The following NXPH1 variants were observed in gnomAD, a reference collection of about 807,000 sequenced individuals.
NXPH1 encodes neurexophilin 1.
In NXPH1, 5 loss-of-function variants were observed where a neutral mutation model predicts 23.7. The observed-to-expected ratio is 0.21, with a 90% CI of 0.11 to 0.44. NXPH1 has a LOEUF of 0.44. NXPH1 is among the 20% of genes least tolerant of loss of function. The pLI is 0.99. For synonymous variants in NXPH1, 144 were observed against 122.2 expected (o/e 1.18, Z -1.18); for missense variants, 324 against 321.6 (o/e 1.01, Z -0.06).
chr7:8,749,276 C>T (rs376500493), intron 2 of NXPH1, among the ~76,000 whole-genome samples: 1 of 152,156 alleles, frequency 6.6e-6, no homozygotes, highest in Non-Finnish European at 1.5e-5. Flanking sequence ...AAGTAGATAT[C>T]ATATTGCCTA....
At position 8,744,676 on chromosome 7, in the gene NXPH1, C is replaced by T. The variant is rs112722574; in HGVS notation, c.55-6332C>T. On this transcript the variant is annotated intron_variant, in intron 2 of 2. Coordinates refer to ENST00000405863, the MANE Select transcript of NXPH1 (RefSeq NM_152745.3). Reference sequence around the variant, plus strand: ...CATCACCAGAATGACTTCCCACAGGCGCTTAATCTCCCAATATTTCTATGA... The same window carrying T: ...CATCACCAGAATGACTTCCCACAGGTGCTTAATCTCCCAATATTTCTATGA... Among the ~76,000 whole-genome samples, 1,100 of 152,276 alleles carry T rather than the reference C, an allele frequency of 7.2e-3. 11 individuals carry two copies. The highest frequency in any genetic ancestry group is 0.024 in the African/African-American group (1,008 of 41,548).
chr7:8,725,429 G>A lies in NXPH1; in HGVS notation c.55-25579G>A, dbSNP rs186309069. On this transcript the variant is annotated intron_variant, in intron 2 of 2. Transcript: ENST00000405863. Reference sequence around the variant, plus strand: ...GGCTAGAACCTGGGAGGCAGAGGTTGCAGTGAGCTGAGATCCAGCCACTGC... The same window carrying A: ...GGCTAGAACCTGGGAGGCAGAGGTTACAGTGAGCTGAGATCCAGCCACTGC... 7.9e-4 allele frequency among the ~76,000 whole-genome samples: 119 copies of A among 151,072 alleles called. No individual in the cohort carries two copies. The East Asian group carries it at 0.021, about 27-fold the overall frequency.
At chr7:8,679,892 G>A (rs1042363886) in intron 2 of NXPH1, among the ~76,000 whole-genome samples, 2 of 152,210 alleles carry the variant, frequency 1.3e-5, no homozygotes, top group Non-Finnish European at 2.9e-5. Context: ...GTGGTGGCGC[G>A]TGCCTGTAAT....
intron 2 of NXPH1, among the ~76,000 whole-genome samples, chr7:8,664,959 C>G (rs1820736725): frequency 1.3e-5 from 2 of 151,876 alleles, no homozygotes. Flanking sequence ...AATATTTTCT[C>G]CCATTCCATA....
chr7:8,635,245 C>A (rs1820200137), intron 2 of NXPH1, among the ~76,000 whole-genome samples: 1 of 152,190 alleles, frequency 6.6e-6, no homozygotes, highest in African/African-American at 2.4e-5. Context: ...AGAATGACAG[C>A]TATTAGCAGG....
intron 2 of NXPH1, among the ~76,000 whole-genome samples, chr7:8,698,432 C>G (rs897079039): frequency 6.6e-6 from 1 of 152,110 alleles, no homozygotes; most frequent in African/African-American, 2.4e-5. Context: ...GGTAATGCCA[C>G]CCCTGGTATT....
intron 2 of NXPH1, among the ~76,000 whole-genome samples, chr7:8,541,346 A>C (rs1268177038): frequency 6.6e-6 from 1 of 151,704 alleles, no homozygotes; most frequent in Non-Finnish European, 1.5e-5. Context: ...TTGTGGGATA[A>C]CTTCAAGCAA....
intron 2 of NXPH1, among the ~76,000 whole-genome samples, chr7:8,499,122 G>C (rs768272059): frequency 5.9e-5 from 9 of 152,070 alleles, no homozygotes; most frequent in African/African-American, 1.2e-4. Context: ...TGGACAGGAA[G>C]TATCTTTGAG....
intron 2 of NXPH1, among the ~76,000 whole-genome samples, chr7:8,728,863 T>C (rs1370180865): frequency 3.9e-5 from 6 of 152,130 alleles, no homozygotes; most frequent in Admixed American, 3.9e-4. Context: ...TAAAATGAGT[T>C]AGGGAGGATT....
intron 2 of NXPH1, among the ~76,000 whole-genome samples, chr7:8,444,814 C>T (rs190053419): frequency 6.6e-6 from 1 of 152,174 alleles, no homozygotes; most frequent in African/African-American, 2.4e-5. Context: ...GTAAAATGAT[C>T]GCATTTATAA....
At chr7:8,540,607 C>T (rs1404117665) in intron 2 of NXPH1, among the ~76,000 whole-genome samples, 1 of 151,638 alleles carries the variant, frequency 6.6e-6, no homozygotes, top group African/African-American at 2.4e-5. Flanking sequence ...AAAAAGAGTC[C>T]TCGAAAGGAG....
chr7:8,740,178 A>G (rs918415981), intron 2 of NXPH1, among the ~76,000 whole-genome samples: 1 of 152,202 alleles, frequency 6.6e-6, no homozygotes, highest in Non-Finnish European at 1.5e-5. Flanking sequence ...ACTTGGCATA[A>G]TAGGTCTCAT....
At chr7:8,649,883 A>C (rs528291032) in intron 2 of NXPH1, among the ~76,000 whole-genome samples, 1 of 152,290 alleles carries the variant, frequency 6.6e-6, no homozygotes, top group African/African-American at 2.4e-5. Context: ...AGAAGCCCCC[A>C]ATGCTATTTT....
At chr7:8,691,206 C>T (rs1488203847) in intron 2 of NXPH1, among the ~76,000 whole-genome samples, 5 of 151,982 alleles carry the variant, frequency 3.3e-5, no homozygotes, top group Admixed American at 6.6e-5. Context: ...AGTGCAATGG[C>T]GTGATCTCAG....
chr7:8,608,777 A>G (rs1406789967), intron 2 of NXPH1, among the ~76,000 whole-genome samples: 1 of 152,162 alleles, frequency 6.6e-6, no homozygotes, highest in African/African-American at 2.4e-5. Context: ...TTCGTGTGAT[A>G]TGAATGACAA....
intron 2 of NXPH1, among the ~76,000 whole-genome samples, chr7:8,624,595 G>A (rs1028959133): frequency 2.0e-5 from 3 of 152,028 alleles, no homozygotes; most frequent in African/African-American, 7.3e-5. Flanking sequence ...GAAGTGGAGG[G>A]AGCACACAGC....
intron 2 of NXPH1, among the ~76,000 whole-genome samples, chr7:8,562,696 G>A (rs757631218): frequency 2.0e-5 from 3 of 151,622 alleles, no homozygotes; most frequent in African/African-American, 7.3e-5. Context: ...AATGGATATT[G>A]TCTTAACATA....
chr7:8,485,720 C>T (rs1478652381), intron 2 of NXPH1, among the ~76,000 whole-genome samples: 1 of 152,126 alleles, frequency 6.6e-6, no homozygotes, highest in Non-Finnish European at 1.5e-5. Context: ...TATTAAAAAA[C>T]AACTATTTTT....
At chr7:8,571,281 T>A (rs1314024055) in intron 2 of NXPH1, among the ~76,000 whole-genome samples, 1 of 151,602 alleles carries the variant, frequency 6.6e-6, no homozygotes, top group Non-Finnish European at 1.5e-5. Flanking sequence ...CCAGATATAT[T>A]TAAGAAGTGG....
Sources: allele counts gnomAD v4.1 joint callset (sites outside exome capture counted in the v4.1 genomes callset), GRCh38; gene constraint gnomAD v4.1.1; transcripts MANE v1.5; gene names NCBI Gene and HGNC (gene_info 2026-07-23, HGNC 2026-07-21).